LAMA2: variants seen among roughly 807,000 people sequenced by gnomAD.
LAMA2 encodes laminin subunit alpha-2.
LAMA2 carries 269 observed loss-of-function variants against 364.8 expected under a neutral mutation model. The observed-to-expected ratio is 0.74, with a 90% CI of 0.67 to 0.82. The LOEUF is 0.82. LAMA2 is among the 40% of genes least tolerant of loss of function. The pLI is 0.00. For missense variants in LAMA2, 3,807 were observed against 3,873.2 expected (o/e 0.98, Z 0.45); for synonymous variants, 1,379 against 1,370.6 (o/e 1.01, Z -0.14).
intron 20 of LAMA2, among the ~76,000 whole-genome samples, chr6:129,295,844 T>C (rs1773147077): frequency 6.6e-6 from 1 of 151,900 alleles, no homozygotes; most frequent in Non-Finnish European, 1.5e-5. Context: ...GGCATAGATA[T>C]ATGAGTGAAG....
At chr6:129,023,083 T>C (rs926763675) in intron 1 of LAMA2, among the ~76,000 whole-genome samples, 4 of 152,300 alleles carry the variant, frequency 2.6e-5, no homozygotes, top group African/African-American at 9.6e-5. Context: ...CTACCCTCCC[T>C]GCATCCATGT....
intron 1 of LAMA2, among the ~76,000 whole-genome samples, chr6:128,928,103 C>T (rs1426275142): frequency 6.6e-6 from 1 of 152,184 alleles, no homozygotes; most frequent in Non-Finnish European, 1.5e-5. Flanking sequence ...ACAACAATTC[C>T]TTCTCCTCTA....
chr6:129,319,780 G>A (rs1187618078), intron 27 of LAMA2, among the ~76,000 whole-genome samples: 1 of 152,184 alleles, frequency 6.6e-6, no homozygotes, highest in East Asian at 1.9e-4. Context: ...ATATTTGTGT[G>A]GGTATTATAT....
chr6:129,412,435 T>C (rs1013009174), intron 40 of LAMA2, among the ~76,000 whole-genome samples: 7 of 151,952 alleles, frequency 4.6e-5, no homozygotes, highest in Non-Finnish European at 1.0e-4. Context: ...TACCATAGCC[T>C]AGCCAAGTGG....
intron 51 of LAMA2, among the ~76,000 whole-genome samples, chr6:129,470,004 G>A (rs1783733350): frequency 1.3e-5 from 2 of 151,896 alleles, no homozygotes; most frequent in Admixed American, 1.3e-4. Context: ...CTGGGGTGAT[G>A]GATGTGTTCA....
intron 1 of LAMA2, among the ~76,000 whole-genome samples, chr6:128,947,953 C>T (rs904546610): frequency 3.3e-5 from 5 of 151,956 alleles, no homozygotes; most frequent in African/African-American, 1.2e-4. Flanking sequence ...ATATAGGTGA[C>T]AGAATTAGCC....
rs568863656 is a variant in LAMA2 at position 128,906,586 on chromosome 6, G to A, written c.112+23229G>A. ...AAAATTTTCTCCCATTTTGTAGGTT[G>A]CCTGTTCACTCTGATGGTAGTTTCT... is the stretch of plus-strand genomic sequence containing the variant. On this transcript the variant is annotated intron_variant, in intron 1 of 64. Coordinates refer to ENST00000421865, the MANE Select transcript of LAMA2 (RefSeq NM_000426.4). Among the ~76,000 whole-genome samples, 65 of 151,252 alleles carry A rather than the reference G, an allele frequency of 4.3e-4. 1 individual carries two copies. The highest frequency in any genetic ancestry group is 1.6e-3 in the African/African-American group (65 of 41,024).
chr6:129,162,821 A>G (rs1779516987), intron 8 of LAMA2, among the ~76,000 whole-genome samples: 1 of 152,018 alleles, frequency 6.6e-6, no homozygotes, highest in Non-Finnish European at 1.5e-5. Flanking sequence ...CTGTAAGCAA[A>G]GGATGTTTTT....
intron 1 of LAMA2, among the ~76,000 whole-genome samples, chr6:128,994,315 A>G (rs1358543714): frequency 6.6e-6 from 1 of 152,194 alleles, no homozygotes; most frequent in Non-Finnish European, 1.5e-5. Context: ...TCAGTATATC[A>G]CACTAGGATC....
chr6:129,402,741 C>T (rs1780051326), intron 39 of LAMA2, among the ~76,000 whole-genome samples: 1 of 152,174 alleles, frequency 6.6e-6, no homozygotes, highest in African/African-American at 2.4e-5. Flanking sequence ...CTAGGCTACA[C>T]TTAGAAAAAA....
rs142359373 is a variant in LAMA2 at position 129,223,051 on chromosome 6, G to A, written c.1783-27061G>A. Among the ~76,000 whole-genome samples, 262 of 152,276 alleles carry A rather than the reference G, an allele frequency of 1.7e-3. 1 individual carries two copies. Among genetic ancestry groups the A allele is most frequent in the Middle Eastern group, 6.8e-3 (2 of 292 alleles). Reference sequence around the variant, plus strand: ...ATCACCAGTCTAACTGGTGTAGGATGGTATCTCATTGTGGTTTTGATTTGC... The same window carrying A: ...ATCACCAGTCTAACTGGTGTAGGATAGTATCTCATTGTGGTTTTGATTTGC... On this transcript the variant is annotated intron_variant, in intron 12 of 64. Transcript: ENST00000421865.
Position 129,270,677 on chromosome 6 carries a change from CTA to C in LAMA2, c.2378_2379del (p.Tyr793TrpfsTer5). The C allele has an allele frequency of 6.2e-7, 1 of 1,613,168 alleles. No homozygotes were observed. The highest frequency in any genetic ancestry group is 8.5e-7 in the Non-Finnish European group (1 of 1,179,428). On this transcript the variant is annotated frameshift_variant, in exon 17 of 65. Coordinates refer to ENST00000421865, the MANE Select transcript of LAMA2 (RefSeq NM_000426.4). LOFTEE classifies it high-confidence loss of function. Reference protein sequence around the residue: ...PYCDKCLPGFYGEPTKGTSED... With the variant: ...PYCDKCLPGFXGEPTKGTSED... ...ATTGTGATAAATGTCTTCCTGGTTTCTATGGCGAGCCTACTAAAGGAACCTCT... is the reference window on the plus strand; with the variant it reads ...ATTGTGATAAATGTCTTCCTGGTTTCTGGCGAGCCTACTAAAGGAACCTCT...
intron 29 of LAMA2, among the ~76,000 whole-genome samples, chr6:129,331,023 C>T (rs1316155775): frequency 6.6e-6 from 1 of 152,080 alleles, no homozygotes; most frequent in African/African-American, 2.4e-5. Flanking sequence ...TGCCCACCAC[C>T]ATGCCCGGCT....
intron 12 of LAMA2, among the ~76,000 whole-genome samples, chr6:129,245,732 A>G (rs1388628139): frequency 2.6e-5 from 4 of 151,928 alleles, no homozygotes; most frequent in Non-Finnish European, 5.9e-5. Flanking sequence ...CTTTGGAAAT[A>G]TCACTAAAAA....
intron 30 of LAMA2, among the ~76,000 whole-genome samples, chr6:129,346,361 G>A (rs948151726): frequency 6.6e-6 from 1 of 152,050 alleles, no homozygotes; most frequent in Middle Eastern, 3.2e-3. Context: ...ATTTTTAAAG[G>A]CATTTTTCAA....
In LAMA2 at chr6:129,476,820, C is replaced by T. The variant is rs975809354; in HGVS notation, c.7451+1419C>T. On this transcript the variant is annotated intron_variant, in intron 53 of 64. Transcript: ENST00000421865. ...TATAACAACCAGCTGACTGACTGAA[C>T]GAAAAGAAAACCTTGGGAACAAGGA... 7.3e-5 allele frequency among the ~76,000 whole-genome samples: 11 copies of T among 150,230 alleles called. No individual in the cohort carries two copies. The East Asian group carries it at 7.8e-4, about 11-fold the overall frequency.
At chr6:129,359,521 C>G (rs978724883) in intron 32 of LAMA2, among the ~76,000 whole-genome samples, 73 of 151,442 alleles carry the variant, frequency 4.8e-4, no homozygotes, top group African/African-American at 1.7e-3. Flanking sequence ...TTAATAAGCC[C>G]TAAATATATG....
intron 29 of LAMA2, among the ~76,000 whole-genome samples, chr6:129,333,924 G>A (rs1562469417): frequency 6.6e-6 from 1 of 152,044 alleles, no homozygotes; most frequent in South Asian, 2.1e-4. Flanking sequence ...AATTCTAAAA[G>A]CATGTCTATT....
intron 31 of LAMA2, among the ~76,000 whole-genome samples, chr6:129,350,867 G>T (rs539620049): frequency 6.6e-6 from 1 of 152,082 alleles, no homozygotes; most frequent in Non-Finnish European, 1.5e-5. Context: ...AAATAAATCC[G>T]TATGTGGTAA....
Sources: allele counts gnomAD v4.1 joint callset (sites outside exome capture counted in the v4.1 genomes callset), GRCh38; gene constraint gnomAD v4.1.1; transcripts MANE v1.5; gene names NCBI Gene and HGNC (gene_info 2026-07-23, HGNC 2026-07-21).